DOCK2: variants seen among roughly 807,000 people sequenced by gnomAD.
DOCK2 encodes dedicator of cytokinesis protein 2.
Under a neutral mutation model 248.9 loss-of-function variants are expected in DOCK2, and 87 were observed. The observed-to-expected ratio is 0.35, with a 90% CI of 0.29 to 0.42. The LOEUF (loss-of-function observed/expected upper bound fraction) is 0.42, where lower values mean the gene tolerates loss of function less well. Ranked by LOEUF, DOCK2 falls within the 10% of genes least tolerant of loss-of-function variation. The pLI, the probability that DOCK2 is intolerant of heterozygous loss-of-function variation, is 1.00. For missense variants in DOCK2, 1,747 were observed against 2,300.2 expected (o/e 0.76, Z 4.92); for synonymous variants, 805 against 821.6 (o/e 0.98, Z 0.35).
intron 25 of DOCK2, among the ~76,000 whole-genome samples, chr5:169,790,588 C>A (rs369237967): frequency 3.9e-5 from 6 of 152,148 alleles, no homozygotes; most frequent in African/African-American, 1.2e-4. Context: ...CACTTTATTC[C>A]AGCCTGTCTG....
At chr5:169,682,359 A>C (rs1759713294) in intron 7 of DOCK2, among the ~76,000 whole-genome samples, 1 of 152,252 alleles carries the variant, frequency 6.6e-6, no homozygotes, top group Non-Finnish European at 1.5e-5. Flanking sequence ...TTCCAGGCAG[A>C]GGGCACAGCA....
intron 27 of DOCK2, among the ~76,000 whole-genome samples, chr5:169,874,246 C>CT (rs899379136): frequency 2.4e-4 from 37 of 152,054 alleles, no homozygotes; most frequent in Admixed American, 1.4e-3. Flanking sequence ...AACCCCGTCT[C>CT]TACTAATAAT....
chr5:169,761,585 T>A lies in DOCK2; in HGVS notation c.2514T>A (p.Ser838=), dbSNP rs1331771849. Residue 838 remains serine, a synonymous_variant, in exon 25 of 52, where the codon TCT becomes TCA. Transcript: ENST00000520908. The part of the protein sequence containing the change: ...PVKLQKQKVQ[S]MNEIVQSNLF... ...AACTCCAGAAGCAGAAAGTACAGTCTATGAATGAGATAGTCCAGAGCAACC... is the reference window on the plus strand; with the variant it reads ...AACTCCAGAAGCAGAAAGTACAGTCAATGAATGAGATAGTCCAGAGCAACC... 1.5e-5 allele frequency: 25 copies of A among 1,614,092 alleles called. No individual in the cohort carries two copies. Among genetic ancestry groups the A allele is most frequent in the Non-Finnish European group, 2.1e-5 (25 of 1,179,958 alleles).
intron 27 of DOCK2, among the ~76,000 whole-genome samples, chr5:169,929,702 A>G (rs981966348): frequency 7.4e-5 from 11 of 149,134 alleles, no homozygotes; most frequent in Non-Finnish European, 1.6e-4. Context: ...AGAGGGGATC[A>G]CTGCACTCCA....
chr5:169,727,770 G>A (rs897430853), intron 22 of DOCK2, among the ~76,000 whole-genome samples: 1 of 152,094 alleles, frequency 6.6e-6, no homozygotes, highest in Non-Finnish European at 1.5e-5. Flanking sequence ...ATTGAGTTTT[G>A]TGCTTAAAAT....
At chr5:170,033,301 A>G (rs1581542971) in intron 34 of DOCK2, among the ~76,000 whole-genome samples, 1 of 152,350 alleles carries the variant, frequency 6.6e-6, no homozygotes, top group Non-Finnish European at 1.5e-5. Context: ...AGCAACTAAT[A>G]GATGCTTAAA....
chr5:169,667,232 T>C (rs1221856769), intron 2 of DOCK2, among the ~76,000 whole-genome samples: 2 of 152,224 alleles, frequency 1.3e-5, no homozygotes, highest in African/African-American at 2.4e-5. Flanking sequence ...TGCTACCAGA[T>C]GACCCTATCT....
At chr5:169,883,052 C>G in intron 27 of DOCK2, 1 of 1,551,606 alleles carries the variant, frequency 6.4e-7, no homozygotes, top group Non-Finnish European at 8.7e-7. Context: ...TCTGAGTTGT[C>G]TTTGGGCAAA....
intron 10 of DOCK2, among the ~76,000 whole-genome samples, chr5:169,697,697 G>C (rs964176114): frequency 6.6e-6 from 1 of 152,072 alleles, no homozygotes; most frequent in Non-Finnish European, 1.5e-5. Context: ...AATTTTAATG[G>C]CCCCTGCCCA....
intron 26 of DOCK2, among the ~76,000 whole-genome samples, chr5:169,817,324 C>G (rs574527316): frequency 2.6e-5 from 4 of 152,204 alleles, no homozygotes; most frequent in African/African-American, 9.6e-5. Context: ...TGTTATTTCT[C>G]TTTTCAACTG....
At chr5:169,924,633 C>T (rs530456208) in intron 27 of DOCK2, among the ~76,000 whole-genome samples, 2 of 152,296 alleles carry the variant, frequency 1.3e-5, no homozygotes, top group East Asian at 3.9e-4. Flanking sequence ...ACTAAGACTT[C>T]CTATTAGCAA....
intron 26 of DOCK2, among the ~76,000 whole-genome samples, chr5:169,835,259 G>GTTTTTTTT (rs763950012): frequency 7.2e-6 from 1 of 138,608 alleles, no homozygotes; most frequent in Non-Finnish European, 1.5e-5. Context: ...TGAAATGCCT[G>GTTTTTTTT]GTTTTTTTTT....
At chr5:169,759,894 TGGCAGG>T in intron 24 of DOCK2, 119 bp downstream of exon 24, 1 of 1,046,114 alleles carries the variant, frequency 9.6e-7, no homozygotes, top group East Asian at 2.5e-5. Flanking sequence ...GGAAGACCTG[TGGCAGG>T]GGATGTTTTC....
At chr5:169,651,625 G>A (rs545442627) in intron 1 of DOCK2, among the ~76,000 whole-genome samples, 1 of 152,260 alleles carries the variant, frequency 6.6e-6, no homozygotes, top group South Asian at 2.1e-4. Flanking sequence ...CTACTGCCAA[G>A]TCCTCAGGCA....
intron 27 of DOCK2, among the ~76,000 whole-genome samples, chr5:169,967,493 A>AGGGAAGAGT: frequency 6.6e-6 from 1 of 152,180 alleles, no homozygotes; most frequent in Non-Finnish European, 1.5e-5. Flanking sequence ...TAAAGTTTAA[A>AGGGAAGAGT]GGGAAGAGTA....
At chr5:169,759,484 T>C (rs1027402064) in intron 23 of DOCK2, among the ~76,000 whole-genome samples, 1 of 152,236 alleles carries the variant, frequency 6.6e-6, no homozygotes, top group Non-Finnish European at 1.5e-5. Context: ...TTCTAGTCTA[T>C]GTTATTGCCT....
At chr5:169,719,678 G>A (rs151032959) in intron 22 of DOCK2, among the ~76,000 whole-genome samples, 47 of 152,298 alleles carry the variant, frequency 3.1e-4, no homozygotes, top group Admixed American at 5.2e-4. Flanking sequence ...CAAGTTTTCC[G>A]ACGCAGAGGC....
At chr5:169,646,861 A>G (rs180951646) in intron 1 of DOCK2, among the ~76,000 whole-genome samples, 23 of 152,382 alleles carry the variant, frequency 1.5e-4, no homozygotes, top group African/African-American at 5.3e-4. Flanking sequence ...TCTTGAAGCC[A>G]GGAGCTTGTC....
chr5:169,865,985 G>C (rs548733570), intron 27 of DOCK2, among the ~76,000 whole-genome samples: 1 of 152,202 alleles, frequency 6.6e-6, no homozygotes, highest in Non-Finnish European at 1.5e-5. Flanking sequence ...AGAGTGCCTC[G>C]TCCCTGAGCA....
Sources: gnomAD v4.1 joint callset for allele counts (sites outside exome capture counted in the v4.1 genomes callset) on GRCh38, gnomAD v4.1.1 for gene constraint, MANE v1.5 for transcripts, NCBI Gene and HGNC (gene_info 2026-07-23, HGNC 2026-07-21) for gene names.